SLC17A6: variants seen among roughly 807,000 people sequenced by gnomAD.
SLC17A6 encodes solute carrier family 17 member 6.
SLC17A6 carries 35 observed loss-of-function variants against 67.1 expected under a neutral mutation model. That is an observed-to-expected ratio of 0.52 (90% CI 0.40 to 0.69). The LOEUF (loss-of-function observed/expected upper bound fraction) is 0.69, where lower values mean the gene tolerates loss of function less well. Ranked by LOEUF, SLC17A6 falls within the 30% of genes least tolerant of loss-of-function variation. The pLI, the probability that SLC17A6 is intolerant of heterozygous loss-of-function variation, is 0.00. For synonymous variants in SLC17A6, 285 were observed against 252.3 expected, an observed-to-expected ratio of 1.13 and a Z score of -1.23; for missense variants, 588 against 723.9, an observed-to-expected ratio of 0.81 and a Z score of 2.15.
chr11:22,372,419 A>G (rs1203596820), intron 8 of SLC17A6, among the ~76,000 whole-genome samples: 4 of 151,182 alleles, frequency 2.6e-5, no homozygotes, highest in African/African-American at 7.3e-5. Context: ...AATATATTAT[A>G]TCAGCCTATG....
chr11:22,345,502 T>C (rs1035544241), intron 3 of SLC17A6, among the ~76,000 whole-genome samples: 1 of 152,094 alleles, frequency 6.6e-6, no homozygotes, highest in Non-Finnish European at 1.5e-5. Context: ...AAAATTTTAA[T>C]TTTTGGAATT....
chr11:22,344,824 T>G (rs1855857242), intron 3 of SLC17A6, among the ~76,000 whole-genome samples: 1 of 152,190 alleles, frequency 6.6e-6, no homozygotes, highest in Admixed American at 6.5e-5. Context: ...TGTCAAATAT[T>G]ATTGATTATG....
At chr11:22,351,841 A>G (rs1855942942) in intron 3 of SLC17A6, among the ~76,000 whole-genome samples, 3 of 152,154 alleles carry the variant, frequency 2.0e-5, no homozygotes, top group Non-Finnish European at 4.4e-5. Flanking sequence ...AGTGCTGTGA[A>G]ACCCAATTAT....
chr11:22,378,652 A>C lies in SLC17A6; in HGVS notation c.*912A>C, dbSNP rs187253460. The C allele has an allele frequency of 3.9e-5, 6 of 152,530 alleles. No individual in the cohort carries two copies. The highest frequency in any genetic ancestry group is 1.4e-4 in the African/African-American group (6 of 41,462). 9.4% of individuals were successfully genotyped at this position (152,530 alleles called of 1,614,324 possible). A position where few individuals can be genotyped will look rare whatever the true frequency, so the allele number is the denominator to read the frequency against. Reference sequence around the variant, plus strand: ...AATGCAATATTAAGAACAAAGAAATAGAAAATGGTTTAGATATCTTTCTTC... The same window carrying C: ...AATGCAATATTAAGAACAAAGAAATCGAAAATGGTTTAGATATCTTTCTTC... On this transcript the variant is annotated 3_prime_UTR_variant, in exon 12 of 12. Coordinates refer to ENST00000263160, the MANE Select transcript of SLC17A6 (RefSeq NM_020346.3).
chr11:22,338,782 G>A (rs901897547), intron 1 of SLC17A6, among the ~76,000 whole-genome samples, 163 bp downstream of exon 1: 1 of 150,454 alleles, frequency 6.6e-6, no homozygotes, highest in East Asian at 2.0e-4. Context: ...GCTTATTAAT[G>A]CAGGAATGTT....
At chr11:22,369,030 A>G (rs1181664148) in intron 7 of SLC17A6, among the ~76,000 whole-genome samples, 2 of 152,056 alleles carry the variant, frequency 1.3e-5, no homozygotes, top group Non-Finnish European at 2.9e-5. Flanking sequence ...CCATTCAGGA[A>G]TAATTGTTAA....
intron 3 of SLC17A6, among the ~76,000 whole-genome samples, chr11:22,354,535 A>G (rs1226629124): frequency 6.6e-6 from 1 of 152,234 alleles, no homozygotes; most frequent in Non-Finnish European, 1.5e-5. Context: ...GAGATGGGGT[A>G]GAATTCTGCT....
At chr11:22,350,966 T>C (rs1328933783) in intron 3 of SLC17A6, among the ~76,000 whole-genome samples, 1 of 152,118 alleles carries the variant, frequency 6.6e-6, no homozygotes. Context: ...ATATACTGCC[T>C]GATATTATAT....
intron 3 of SLC17A6, among the ~76,000 whole-genome samples, chr11:22,348,637 C>T (rs774959791): frequency 3.3e-5 from 5 of 151,840 alleles, no homozygotes; most frequent in African/African-American, 4.8e-5. Flanking sequence ...CTTTTGTCTG[C>T]AGAAATGAAG....
intron 6 of SLC17A6, among the ~76,000 whole-genome samples, chr11:22,363,894 G>T (rs1041222908): frequency 8.6e-5 from 13 of 152,036 alleles, no homozygotes; most frequent in African/African-American, 3.1e-4. Context: ...TTTATAGGAT[G>T]TATTGTACAA....
chr11:22,338,679 T>A (rs956484695), intron 1 of SLC17A6, 60 bp downstream of exon 1: 1 of 1,245,536 alleles, frequency 8.0e-7, no homozygotes, highest in African/African-American at 1.5e-5. Context: ...TGCAGGGCCG[T>A]TTCCGTAAAC....
Position 22,377,860 on chromosome 11 carries a change from A to C in SLC17A6, c.*120A>C. 1.2e-6 allele frequency: 1 copy of C among 832,050 alleles called. No individual in the cohort carries two copies. The highest frequency in any genetic ancestry group is 2.1e-5 in the South Asian group (1 of 47,700). 51.5% of individuals were successfully genotyped at this position (832,050 alleles called of 1,614,324 possible). On this transcript the variant is annotated 3_prime_UTR_variant, in exon 12 of 12. Transcript: ENST00000263160. ...ATATCAACCAGGCAAGTCTTGCTGT[A>C]AAAATGAAAACAAAACAAACCCATG...
intron 7 of SLC17A6, among the ~76,000 whole-genome samples, chr11:22,367,803 C>A (rs1048965241): frequency 9.9e-5 from 15 of 152,134 alleles, no homozygotes; most frequent in African/African-American, 3.6e-4. Flanking sequence ...CTTCAGCTCC[C>A]CACTTCCTAT....
intron 3 of SLC17A6, among the ~76,000 whole-genome samples, chr11:22,349,595 G>A (rs1462973117): frequency 1.3e-5 from 2 of 152,164 alleles, no homozygotes; most frequent in Non-Finnish European, 2.9e-5. Context: ...CAGTGCAGAG[G>A]CAGCTTCTGG....
chr11:22,370,414 C>G (rs1403363983), intron 8 of SLC17A6, among the ~76,000 whole-genome samples: 1 of 152,108 alleles, frequency 6.6e-6, no homozygotes, highest in Non-Finnish European at 1.5e-5. Flanking sequence ...GCAAAACAAA[C>G]CTAGTTTCTG....
intron 6 of SLC17A6, among the ~76,000 whole-genome samples, chr11:22,364,146 CT>C (rs1048575028): frequency 1.3e-5 from 2 of 152,166 alleles, no homozygotes; most frequent in Non-Finnish European, 2.9e-5. Context: ...ATAATTTGGT[CT>C]GGAGTCACAC....
Position 22,341,654 on chromosome 11 carries a change from C to T in SLC17A6, c.213C>T (p.Tyr71=), listed in dbSNP as rs1025165590. The T allele has an allele frequency of 1.9e-6, 3 of 1,614,248 alleles. No individual in the cohort carries two copies. Among genetic ancestry groups the T allele is most frequent in the African/African-American group, 1.3e-5 (1 of 75,082 alleles). The change falls in exon 2 of 12, where the codon TAC becomes TAT. Residue 71 remains tyrosine, a synonymous_variant. Coordinates refer to ENST00000263160, the MANE Select transcript of SLC17A6 (RefSeq NM_020346.3). ...DCTCFGLPRR[Y]IIAIMSGLGF... ...CGTGCTTCGGCCTGCCCCGCCGCTA[C>T]ATTATCGCCATCATGAGCGGCCTGG... is the stretch of plus-strand genomic sequence containing the variant.
At chr11:22,347,245 A>T (rs910534775) in intron 3 of SLC17A6, among the ~76,000 whole-genome samples, 6 of 82,068 alleles carry the variant, frequency 7.3e-5, no homozygotes, top group African/African-American at 3.1e-4. Context: ...TTTGGGGATT[A>T]AAAAAAAAAG....
chr11:22,354,210 A>T (rs767856844), intron 3 of SLC17A6, among the ~76,000 whole-genome samples: 1 of 151,702 alleles, frequency 6.6e-6, no homozygotes, highest in African/African-American at 2.4e-5. Context: ...CAGCCTCCTG[A>T]GTAGCTGAGA....
Sources: allele counts gnomAD v4.1 joint callset (sites outside exome capture counted in the v4.1 genomes callset), GRCh38; gene constraint gnomAD v4.1.1; transcripts MANE v1.5; gene names NCBI Gene and HGNC (gene_info 2026-07-23, HGNC 2026-07-21).